ATXN7L1: variants seen among roughly 807,000 people sequenced by gnomAD.
ATXN7L1 encodes the protein ataxin-7-like protein 1.
A neutral mutation model predicts 70.8 loss-of-function variants in ATXN7L1; 15 were observed. The ratio of observed to expected loss-of-function variants is 0.21; its 90% CI spans 0.14 to 0.33. The LOEUF is 0.33. ATXN7L1 is among the 10% of genes least tolerant of loss of function. The pLI, the probability that ATXN7L1 is intolerant of heterozygous loss-of-function variation, is 1.00. For synonymous variants in ATXN7L1, 440 were observed against 445.1 expected (o/e 0.99, Z 0.14); for missense variants, 975 against 1,097.1 (o/e 0.89, Z 1.57).
intron 7 of ATXN7L1, among the ~76,000 whole-genome samples, chr7:105,629,240 T>TAGAC (rs1796215133): frequency 6.6e-6 from 1 of 152,158 alleles, no homozygotes; most frequent in African/African-American, 2.4e-5. Flanking sequence ...ATTCATCTTG[T>TAGAC]AACTGAAAGT....
chr7:105,666,883 C>G (rs1215416742), intron 3 of ATXN7L1, among the ~76,000 whole-genome samples: 1 of 152,192 alleles, frequency 6.6e-6, no homozygotes, highest in Non-Finnish European at 1.5e-5. Context: ...CGCATATACA[C>G]AGTATTAGGC....
chr7:105,861,976 G>C (rs532582272), intron 2 of ATXN7L1, among the ~76,000 whole-genome samples: 1 of 152,148 alleles, frequency 6.6e-6, no homozygotes. Context: ...GGACTCATCT[G>C]AGTCCCTAAT....
At chr7:105,626,701 T>C (rs1372667052) in intron 7 of ATXN7L1, among the ~76,000 whole-genome samples, 4 of 152,190 alleles carry the variant, frequency 2.6e-5, no homozygotes, top group Non-Finnish European at 4.4e-5. Flanking sequence ...AACAACACTA[T>C]TGTCTGCTTA....
intron 2 of ATXN7L1, among the ~76,000 whole-genome samples, chr7:105,833,327 C>T (rs1255488588): frequency 1.3e-5 from 2 of 152,172 alleles, no homozygotes; most frequent in African/African-American, 4.8e-5. Flanking sequence ...CCTACTAGAT[C>T]GTAGGTGCCG....
At chr7:105,788,786 T>C (rs1250885672) in intron 2 of ATXN7L1, 78 bp from the exon 3 acceptor site, 2 of 1,185,192 alleles carry the variant, frequency 1.7e-6, no homozygotes, top group African/African-American at 3.0e-5. Flanking sequence ...TCTTGGAATT[T>C]CTTCAAGGAC....
At chr7:105,737,555 G>A (rs1797537463) in intron 3 of ATXN7L1, among the ~76,000 whole-genome samples, 1 of 123,598 alleles carries the variant, frequency 8.1e-6, no homozygotes, top group African/African-American at 3.8e-5. Flanking sequence ...GTGTGTGTGT[G>A]TGTGTGTGTG....
chr7:105,669,960 A>G (rs1437624820), intron 3 of ATXN7L1, among the ~76,000 whole-genome samples: 2 of 151,756 alleles, frequency 1.3e-5, no homozygotes, highest in Non-Finnish European at 2.9e-5. Context: ...AGGGACCAAT[A>G]GAGTCAGTGG....
At chr7:105,841,777 C>T (rs977742890) in intron 2 of ATXN7L1, among the ~76,000 whole-genome samples, 5 of 152,186 alleles carry the variant, frequency 3.3e-5, no homozygotes, top group Admixed American at 3.3e-4. Flanking sequence ...AAAAATTAAA[C>T]TATCACAGTA....
chr7:105,809,518 T>C (rs1456599079), intron 2 of ATXN7L1, among the ~76,000 whole-genome samples: 14 of 152,226 alleles, frequency 9.2e-5, no homozygotes, highest in Admixed American at 5.9e-4. Flanking sequence ...TCAGGCAGTA[T>C]TGGTCCTTTA....
intron 4 of ATXN7L1, among the ~76,000 whole-genome samples, chr7:105,647,970 C>T (rs1474263255): frequency 1.3e-5 from 2 of 152,114 alleles, no homozygotes; most frequent in Admixed American, 6.5e-5. Context: ...CAGCTGGATG[C>T]GAAATTGGAG....
At chr7:105,802,568 G>A (rs894473256) in intron 2 of ATXN7L1, among the ~76,000 whole-genome samples, 1 of 152,176 alleles carries the variant, frequency 6.6e-6, no homozygotes, top group Admixed American at 6.5e-5. Flanking sequence ...GCTCTGGAAG[G>A]ACATGGTTTG....
chr7:105,765,600 T>G (rs1282103196), intron 3 of ATXN7L1, among the ~76,000 whole-genome samples: 1 of 152,188 alleles, frequency 6.6e-6, no homozygotes, highest in African/African-American at 2.4e-5. Context: ...AACTACTAAT[T>G]GGGAAAACAT....
At chr7:105,696,501 A>G (rs1791722689) in intron 3 of ATXN7L1, among the ~76,000 whole-genome samples, 1 of 152,228 alleles carries the variant, frequency 6.6e-6, no homozygotes, top group Admixed American at 6.5e-5. Flanking sequence ...CCAAAAAAGA[A>G]GGACCCATGA....
chr7:105,876,212 G>A (rs1369032333), intron 1 of ATXN7L1, among the ~76,000 whole-genome samples, 166 bp downstream of exon 1: 1 of 152,106 alleles, frequency 6.6e-6, no homozygotes, highest in Non-Finnish European at 1.5e-5. Flanking sequence ...CTCTCCCTGT[G>A]CATTGATGAT....
chr7:105,852,180 A>C (rs998407981), intron 2 of ATXN7L1, among the ~76,000 whole-genome samples: 1 of 152,016 alleles, frequency 6.6e-6, no homozygotes, highest in Non-Finnish European at 1.5e-5. Context: ...GAATTTTGCC[A>C]GTTCTTTATT....
At chr7:105,736,725 C>T (rs1462469271) in intron 3 of ATXN7L1, among the ~76,000 whole-genome samples, 6 of 152,190 alleles carry the variant, frequency 3.9e-5, no homozygotes, top group South Asian at 4.1e-4. Flanking sequence ...AACATATTTA[C>T]GGACCAGCTC....
chr7:105,734,786 C>T (rs897527498), intron 3 of ATXN7L1, among the ~76,000 whole-genome samples: 32 of 147,230 alleles, frequency 2.2e-4, no homozygotes, highest in African/African-American at 8.1e-4. Flanking sequence ...GTCTTCCAAA[C>T]TCTAATCAAA....
rs528828135 is a variant in ATXN7L1, at chr7:105,813,747, G to GT, written c.251-25040dup. ...CCAGAAAATCATTTGGCCACTTTCTGTTTTCTGGGAACTCTCCTTTTCTCT... is the reference window on the plus strand; with the variant it reads ...CCAGAAAATCATTTGGCCACTTTCTGTTTTTCTGGGAACTCTCCTTTTCTCT... On this transcript the variant is annotated intron_variant, in intron 2 of 11. Transcript: ENST00000419735. Among the ~76,000 whole-genome samples, 155 of 152,048 alleles carry GT rather than the reference G, an allele frequency of 1.0e-3. 1 individual carries two copies. The highest frequency in any genetic ancestry group is 3.6e-3 in the African/African-American group (148 of 41,462).
At chr7:105,645,977 C>T (rs1798952284) in intron 4 of ATXN7L1, among the ~76,000 whole-genome samples, 1 of 151,140 alleles carries the variant, frequency 6.6e-6, no homozygotes, top group Non-Finnish European at 1.5e-5. Context: ...ACTGTACTCC[C>T]ACCCGGGCGA....
Sources: allele counts gnomAD v4.1 joint callset (sites outside exome capture counted in the v4.1 genomes callset), GRCh38; gene constraint gnomAD v4.1.1; transcripts MANE v1.5; gene names NCBI Gene and HGNC (gene_info 2026-07-23, HGNC 2026-07-21).